Variants in CNTN6 observed in about 807,000 individuals in gnomAD.
CNTN6 encodes contactin 6, also known as contactin-6.
CNTN6 carries 137 observed loss-of-function variants against 122.8 expected under a neutral mutation model. That is an observed-to-expected ratio of 1.12 (90% CI 0.97 to 1.29). The LOEUF is 1.29. Among genes scored for constraint, CNTN6 ranks in the 50% most tolerant of loss-of-function variants. The pLI is 0.00. For missense variants in CNTN6, 1,634 were observed against 1,223.4 expected (o/e 1.34, Z -5.01); for synonymous variants, 570 against 426.0 (o/e 1.34, Z -4.16).
chr3:1,115,609 G>A (rs939761301), intron 1 of CNTN6, among the ~76,000 whole-genome samples: 1 of 151,972 alleles, frequency 6.6e-6, no homozygotes, highest in African/African-American at 2.4e-5. Context: ...AAAATTAGCC[G>A]GGCATGAAGG....
intron 20 of CNTN6, among the ~76,000 whole-genome samples, chr3:1,399,346 C>G (rs183838376): frequency 1.3e-5 from 2 of 149,100 alleles, no homozygotes; most frequent in East Asian, 2.0e-4. Flanking sequence ...AGGATAGTTA[C>G]AAAATAATTC....
At chr3:1,320,540 T>C (rs1173025175) in intron 7 of CNTN6, among the ~76,000 whole-genome samples, 1 of 151,738 alleles carries the variant, frequency 6.6e-6, no homozygotes, top group Non-Finnish European at 1.5e-5. Context: ...ATTCTGCCTC[T>C]TCTTCAAGGT....
At chr3:1,129,229 A>C (rs2092268385) in intron 1 of CNTN6, among the ~76,000 whole-genome samples, 1 of 152,046 alleles carries the variant, frequency 6.6e-6, no homozygotes, top group South Asian at 2.1e-4. Flanking sequence ...GATCACCAAA[A>C]ACTTCAGCAT....
At chr3:1,364,517 C>A (rs542654926) in intron 12 of CNTN6, among the ~76,000 whole-genome samples, 69 of 150,388 alleles carry the variant, frequency 4.6e-4, no homozygotes, top group African/African-American at 1.6e-3. Flanking sequence ...AAAAAAAAAA[C>A]AAAACAAACA....
At chr3:1,243,955 C>T (rs2094523552) in intron 4 of CNTN6, among the ~76,000 whole-genome samples, 1 of 151,968 alleles carries the variant, frequency 6.6e-6, no homozygotes, top group Admixed American at 6.6e-5. Flanking sequence ...TGGGAGGAAT[C>T]GCATTGGGAA....
At chr3:1,213,685 A>G (rs1023513308) in intron 2 of CNTN6, among the ~76,000 whole-genome samples, 18 of 151,990 alleles carry the variant, frequency 1.2e-4, no homozygotes, top group African/African-American at 4.3e-4. Flanking sequence ...AGCATAGAAG[A>G]ATACAAATAT....
At chr3:1,166,649 C>T (rs2093255514) in intron 2 of CNTN6, among the ~76,000 whole-genome samples, 1 of 152,076 alleles carries the variant, frequency 6.6e-6, no homozygotes, top group African/African-American at 2.4e-5. Context: ...AGGACACAGG[C>T]TCCGCAATTA....
At chr3:1,385,822 A>C in intron 20 of CNTN6, 25 bp downstream of exon 20, 1 of 1,570,266 alleles carries the variant, frequency 6.4e-7, no homozygotes. Flanking sequence ...ACTCCAGGAA[A>C]CAAGATTCAT....
chr3:1,258,991 C>A (rs1300689059), intron 4 of CNTN6, among the ~76,000 whole-genome samples: 1 of 152,060 alleles, frequency 6.6e-6, no homozygotes, highest in Non-Finnish European at 1.5e-5. Flanking sequence ...AAGCAGCCAC[C>A]CATAAACCCA....
At chr3:1,371,042 A>G (rs965475633) in intron 12 of CNTN6, among the ~76,000 whole-genome samples, 1 of 152,092 alleles carries the variant, frequency 6.6e-6, no homozygotes, top group Non-Finnish European at 1.5e-5. Flanking sequence ...TTAAAACCCC[A>G]AATTATTACT....
intron 21 of CNTN6, 94 bp from the exon 22 acceptor site, chr3:1,402,224 T>C: frequency 1.2e-6 from 1 of 863,196 alleles, no homozygotes; most frequent in South Asian, 2.3e-5. Context: ...ACATTTATGA[T>C]GATGTATCTT....
rs1387253590 is a variant in CNTN6, at chr3:1,403,908, A to T, written c.*490A>T. 6.6e-6 allele frequency: 1 copy of T among 152,162 alleles called. No homozygotes were observed. The highest frequency in any genetic ancestry group is 1.5e-5 in the Non-Finnish European group (1 of 68,028). 9.4% of individuals were successfully genotyped at this position (152,162 alleles called of 1,614,324 possible). A position where few individuals can be genotyped will look rare whatever the true frequency, so the allele number is the denominator to read the frequency against. ...AAAGCATGGGGTGCTTTTATCTCTGAATCAAGTTGGAATAAGAAATCTTTT... is the reference window on the plus strand; with the variant it reads ...AAAGCATGGGGTGCTTTTATCTCTGTATCAAGTTGGAATAAGAAATCTTTT... On this transcript the variant is annotated 3_prime_UTR_variant, in exon 23 of 23. Coordinates refer to ENST00000446702, the MANE Select transcript of CNTN6 (RefSeq NM_001289080.2).
chr3:1,325,901 C>G lies in CNTN6; in HGVS notation c.1033C>G (p.Pro345Ala). The G allele has an allele frequency of 6.2e-7, 1 of 1,611,712 alleles. No homozygotes were observed. The highest frequency in any genetic ancestry group is 8.5e-7 in the Non-Finnish European group (1 of 1,178,600). Reference sequence around the variant, plus strand: ...CTGGGAATGTAAAGCTAGTGGAAAGCCAAACCCTTGGTATACATGGTTAAA... The same window carrying G: ...CTGGGAATGTAAAGCTAGTGGAAAGGCAAACCCTTGGTATACATGGTTAAA... ...LLWECKASGK[P>A]NPWYTWLKNG... The change falls in exon 9 of 23, where the codon CCA becomes GCA. Residue 345 changes from proline (P) to alanine (A), a missense_variant. Physicochemically the swap from Pro to Ala is conservative, Grantham distance 27. Transcript: ENST00000446702.
intron 19 of CNTN6, among the ~76,000 whole-genome samples, chr3:1,385,273 C>G (rs1053064175): frequency 6.6e-6 from 1 of 151,958 alleles, no homozygotes; most frequent in Non-Finnish European, 1.5e-5. Context: ...AAGTCTTTGA[C>G]TGATTATATA....
At chr3:1,138,095 A>G (rs1395574350) in intron 1 of CNTN6, among the ~76,000 whole-genome samples, 3 of 152,218 alleles carry the variant, frequency 2.0e-5, no homozygotes, top group Non-Finnish European at 4.4e-5. Context: ...CAGCCACTTC[A>G]TCATCCTTGC....
At chr3:1,170,162 G>A (rs1030826947) in intron 2 of CNTN6, among the ~76,000 whole-genome samples, 2 of 144,972 alleles carry the variant, frequency 1.4e-5, no homozygotes, top group African/African-American at 2.5e-5. Context: ...GCTTGAACCC[G>A]TGAGGCAGAG....
chr3:1,202,641 C>CT (rs1206463027), intron 2 of CNTN6, among the ~76,000 whole-genome samples: 1 of 151,798 alleles, frequency 6.6e-6, no homozygotes, highest in African/African-American at 2.4e-5. Context: ...CTCAGGGAAA[C>CT]TATTTGTCTT....
chr3:1,125,724 T>C (rs2092136470), intron 1 of CNTN6, among the ~76,000 whole-genome samples: 1 of 151,702 alleles, frequency 6.6e-6, no homozygotes, highest in Non-Finnish European at 1.5e-5. Flanking sequence ...AAGAGTTGGC[T>C]GTGATGTGAA....
At chr3:1,233,156 C>T (rs1201614221) in intron 4 of CNTN6, among the ~76,000 whole-genome samples, 1 of 152,096 alleles carries the variant, frequency 6.6e-6, no homozygotes, top group East Asian at 1.9e-4. Flanking sequence ...TGCAAAAATC[C>T]ATCATAGTAC....
Sources: gnomAD v4.1 joint callset for allele counts (sites outside exome capture counted in the v4.1 genomes callset) on GRCh38, gnomAD v4.1.1 for gene constraint, MANE v1.5 for transcripts, NCBI Gene and HGNC (gene_info 2026-07-23, HGNC 2026-07-21) for gene names.